The following KIF7 variants were observed in gnomAD, a reference collection of about 807,000 sequenced individuals.
KIF7 encodes kinesin family member 7.
In KIF7, 104 loss-of-function variants were observed where a neutral mutation model predicts 135.7. The ratio of observed to expected loss-of-function variants is 0.77; its 90% CI spans 0.65 to 0.90. KIF7 has a LOEUF of 0.90. Ranked by LOEUF, KIF7 falls within the 40% of genes least tolerant of loss-of-function variation. The probability of loss-of-function intolerance (pLI) is 0.00; values close to 1 mark genes in which losing one functional copy is unlikely to be tolerated. For missense variants in KIF7, 2,005 were observed against 1,839.1 expected (o/e 1.09, Z -1.65); for synonymous variants, 883 against 809.4 (o/e 1.09, Z -1.54).
In KIF7 at chr15:89,646,077, C is replaced by A. The variant is rs764201923; in HGVS notation, c.1789-51G>T. 9 of 1,609,176 alleles carry A rather than the reference C, an allele frequency of 5.6e-6. No individual in the cohort carries two copies. The African/African-American group carries it at 1.2e-4, about 22-fold the overall frequency. On this transcript the variant is annotated intron_variant, in intron 7 of 18. Transcript: ENST00000394412. ...CCAAGTCATCATCCCTGCGATATAC[C>A]CCACCTTGCCTGCCCTCCTCATATC...
downstream of KIF7, chr15:89,626,987 A>G: frequency 6.2e-7 from 1 of 1,614,118 alleles, no homozygotes; most frequent in Non-Finnish European, 8.5e-7. Flanking sequence ...CCTCCACTGT[A>G]GAAGACTCTC....
chr15:89,645,127 C>A lies in KIF7; in HGVS notation c.2077G>T (p.Val693Phe), dbSNP rs550326630. The A allele has an allele frequency of 2.9e-4, 463 of 1,604,884 alleles. 6 individuals carry two copies. In the South Asian group the frequency reaches 4.9e-3, roughly 17 times the overall value. Residue 693 changes from valine (V) to phenylalanine (F), a missense_variant, in exon 10 of 19, where the codon GTC (valine) becomes TTC (phenylalanine). Coordinates refer to ENST00000394412, the MANE Select transcript of KIF7 (RefSeq NM_198525.3). ...GSKARVQARQ[V>F]PPATASEWRL... is the part of the protein sequence containing the mutation. The stretch of plus-strand genomic sequence containing the variant: ...CACTCTGAGGCTGTGGCAGGGGGGA[C>A]CTGGCGGGCCTGAACTCGGGCCTTG...
rs1963648903 is a variant in KIF7, at chr15:89,630,470, C to T, written c.3135G>A (p.Leu1045=). Residue 1045 remains leucine (L), a synonymous_variant, in exon 16 of 19, where the codon TTG becomes TTA. Transcript: ENST00000394412. ...CATCCAGGGCCTCGATGGCCTCATC[C>T]AACTGGAACAGCGTCCGCTCCTCCT... ...SPEEERTLFQ[L]DEAIEALDAA... 1 of 1,559,226 alleles carries T rather than the reference C, an allele frequency of 6.4e-7. No homozygotes were observed.
At chr15:89,637,436 G>GA (rs566581404) in intron 11 of KIF7, among the ~76,000 whole-genome samples, 1 of 151,774 alleles carries the variant, frequency 6.6e-6, no homozygotes, top group African/African-American at 2.4e-5. Context: ...CCACTAGCAA[G>GA]AAAAAAAGAG....
At position 89,649,096 on chromosome 15, in the gene KIF7, C is replaced by T; in HGVS notation, c.801G>A (p.Glu267=). The change falls in exon 4 of 19, where the codon GAG becomes GAA. Residue 267 remains glutamate (E), a synonymous_variant. Coordinates refer to ENST00000394412, the MANE Select transcript of KIF7 (RefSeq NM_198525.3). The part of the protein sequence containing the change: ...ERVLKTGSTG[E]RLKESIQINS... ...TGATCTGGATGCTCTCCTTGAGCCG[C>T]TCGCCGGTGCTGCCCGTCTTGAGCA... 6.5e-7 allele frequency: 1 copy of T among 1,547,916 alleles called. No individual in the cohort carries two copies. The highest frequency in any genetic ancestry group is 8.7e-7 in the Non-Finnish European group (1 of 1,146,792).
intron 12 of KIF7, 32 bp from the exon 13 acceptor site, chr15:89,633,298 T>A (rs754485076): frequency 1.3e-6 from 2 of 1,543,112 alleles, no homozygotes; most frequent in East Asian, 4.8e-5. Context: ...CAGGGCTGTT[T>A]ATGGTGCCAG....
At chr15:89,618,009 C>T in intron 2 of KIF7, 1 of 830,012 alleles carries the variant, frequency 1.2e-6, no homozygotes, top group Non-Finnish European at 2.0e-6. Context: ...TGACAATAAT[C>T]ACGTATGAGA....
rs1355045012 is a variant in KIF7, at chr15:89,648,306, G to T, written c.1392C>A (p.Ile464=). 1 of 1,517,338 alleles carries T rather than the reference G, an allele frequency of 6.6e-7. No homozygotes were observed. Among genetic ancestry groups the T allele is most frequent in the East Asian group, 2.5e-5 (1 of 39,368 alleles). The allele number at this position is 1,517,338 out of a possible 1,614,324, so 94.0% of individuals were successfully genotyped here. A position where few individuals can be genotyped will look rare whatever the true frequency, so the allele number is the denominator to read the frequency against. Reference sequence around the variant, plus strand: ...CCTGGTCCTCGACGGAGGCGCTCTCGATGCCGCTATCGGGCCCGGAGGCGG... The same window carrying T: ...CCTGGTCCTCGACGGAGGCGCTCTCTATGCCGCTATCGGGCCCGGAGGCGG... The part of the protein sequence containing the change: ...LSSASGPDSG[I]ESASVEDQAA... Residue 464 remains isoleucine, a synonymous_variant, in exon 5 of 19, where the codon ATC becomes ATA. Coordinates refer to ENST00000394412, the MANE Select transcript of KIF7 (RefSeq NM_198525.3).
At chr15:89,654,178 T>A (rs1964170432) in intron 1 of KIF7, among the ~76,000 whole-genome samples, 1 of 151,898 alleles carries the variant, frequency 6.6e-6, no homozygotes, top group Non-Finnish European at 1.5e-5. Flanking sequence ...CCCGGCTAAT[T>A]TTTTGTATTT....
chr15:89,655,130 G>A (rs1596082161), intron 1 of KIF7, among the ~76,000 whole-genome samples: 1 of 152,224 alleles, frequency 6.6e-6, no homozygotes, highest in Non-Finnish European at 1.5e-5. Context: ...ATCGGGACCC[G>A]ACTCTCGCAG....
intron 12 of KIF7, 129 bp from the exon 13 acceptor site, chr15:89,633,395 C>T: frequency 8.1e-7 from 1 of 1,230,458 alleles, no homozygotes; most frequent in Non-Finnish European, 1.1e-6. Context: ...TCCCCCAGAC[C>T]CATCCCACAC....
chr15:89,661,264 A>C, the KIF7 span, among the ~76,000 whole-genome samples: 7,051 of 152,282 alleles, frequency 0.046, 535 homozygotes, highest in African/African-American at 0.16. Flanking sequence ...AAAACAAATG[A>C]AGCTCAGAAA....
At position 89,630,496 on chromosome 15, in the gene KIF7, G is replaced by A. The variant is rs1407610289; in HGVS notation, c.3112-3C>T. 3 of 1,500,532 alleles carry A rather than the reference G, an allele frequency of 2.0e-6. No homozygotes were observed. The highest frequency in any genetic ancestry group is 3.4e-5 in the African/African-American group (2 of 58,474). 93.0% of individuals were successfully genotyped at this position (1,500,532 alleles called of 1,614,324 possible). A position where few individuals can be genotyped will look rare whatever the true frequency, so the allele number is the denominator to read the frequency against. On this transcript the variant is annotated splice_region_variant and splice_polypyrimidine_tract_variant and intron_variant, in intron 15 of 18. Transcript: ENST00000394412. ...AACTGGAACAGCGTCCGCTCCTCCT[G>A]CAGAGACGGGCACGCGTGGAGGAAC... is the stretch of plus-strand genomic sequence containing the variant.
the KIF7 span, among the ~76,000 whole-genome samples, chr15:89,661,697 G>C: frequency 6.6e-6 from 1 of 151,988 alleles, no homozygotes; most frequent in Non-Finnish European, 1.5e-5. Flanking sequence ...AAGCTTAGAA[G>C]AATTTGACTT....
intron 2 of KIF7, among the ~76,000 whole-genome samples, chr15:89,651,514 G>A (rs1044071818): frequency 9.2e-5 from 14 of 152,220 alleles, no homozygotes; most frequent in Non-Finnish European, 1.6e-4. Flanking sequence ...GATTACAGGC[G>A]TGAGCCACTG....
rs150877563 is a variant in KIF7 at position 89,634,654 on chromosome 15, C to A, written c.2395-771G>T. Among the ~76,000 whole-genome samples the A allele has an allele frequency of 4.3e-3, 658 of 152,322 alleles. 3 individuals are homozygous for A. Among genetic ancestry groups the A allele is most frequent in the African/African-American group, 0.015 (638 of 41,568 alleles). On this transcript the variant is annotated intron_variant, in intron 11 of 18. Transcript: ENST00000394412. ...AAAGGCACACCAGGAGATTATATCC[C>A]GCACATGGCTCAGAGGGTCCTACGC... is the stretch of plus-strand genomic sequence containing the variant.
exon 2 of KIF7, chr15:89,618,079 A>G: frequency 3.5e-6 from 5 of 1,435,436 alleles, no homozygotes; most frequent in Non-Finnish European, 3.9e-6. Context: ...GTTAAGTGAG[A>G]AGCTGCCTGT....
At chr15:89,623,802 C>T (rs746147104), downstream of KIF7, 50 of 1,613,804 alleles carry the variant, frequency 3.1e-5, no homozygotes, top group Non-Finnish European at 4.1e-5. Context: ...CCTCACCCGG[C>T]CATGACTCAC....
At position 89,642,118 on chromosome 15, in the gene KIF7, A is replaced by C. The variant is rs1204811413; in HGVS notation, c.2394+85T>G. 128 of 1,397,038 alleles carry C rather than the reference A, an allele frequency of 9.2e-5. No homozygotes were observed. The East Asian group carries it at 2.9e-3, about 31-fold the overall frequency. The allele number at this position is 1,397,038 out of a possible 1,614,324, so 86.5% of individuals were successfully genotyped here. A position where few individuals can be genotyped will look rare whatever the true frequency, so the allele number is the denominator to read the frequency against. ...AGGTTCCACAGTGAACTTGGGCCTC[A>C]GAGCCCACATGTCCTGGTCCCAAGG... On this transcript the variant is annotated intron_variant, in intron 11 of 18. Transcript: ENST00000394412.
Sources: gnomAD v4.1 joint callset for allele counts (sites outside exome capture counted in the v4.1 genomes callset) on GRCh38, gnomAD v4.1.1 for gene constraint, MANE v1.5 for transcripts, NCBI Gene and HGNC (gene_info 2026-07-23, HGNC 2026-07-21) for gene names.